GRHL1: variants seen among roughly 807,000 people sequenced by gnomAD.
GRHL1 encodes the protein grainyhead-like protein 1 homolog.
A neutral mutation model predicts 75.7 loss-of-function variants in GRHL1; 38 were observed. The ratio of observed to expected loss-of-function variants is 0.50; its 90% CI spans 0.39 to 0.66. GRHL1 has a LOEUF of 0.66. GRHL1 is among the 30% of genes least tolerant of loss of function. The pLI is 0.00. For synonymous variants in GRHL1, 266 were observed against 279.4 expected (o/e 0.95, Z 0.48); for missense variants, 589 against 767.5 (o/e 0.77, Z 2.75).
At chr2:9,972,267 A>G (rs1434124305) in intron 8 of GRHL1, among the ~76,000 whole-genome samples, 1 of 148,002 alleles carries the variant, frequency 6.8e-6, no homozygotes, top group Non-Finnish European at 1.5e-5. Flanking sequence ...ACTCCTCTAT[A>G]GAACTTTCTT....
rs567981279 is a variant in GRHL1, at chr2:9,988,428, G to A, written c.1269+2146G>A. The stretch of plus-strand genomic sequence containing the variant: ...CTGTTTCTGGCTCTGTGTGAGTTTC[G>A]GGCACTGTTTCTCTAATCTTTTCGG... On this transcript the variant is annotated intron_variant, in intron 9 of 15. Coordinates refer to ENST00000324907, the MANE Select transcript of GRHL1 (RefSeq NM_198182.3). Among the ~76,000 whole-genome samples the A allele has an allele frequency of 4.9e-4, 75 of 152,206 alleles. 2 individuals carry two copies. In the South Asian group the frequency reaches 0.015, roughly 31 times the overall value.
At chr2:9,984,612 G>A (rs1008633410) in intron 8 of GRHL1, among the ~76,000 whole-genome samples, 1 of 152,140 alleles carries the variant, frequency 6.6e-6, no homozygotes, top group Admixed American at 6.5e-5. Context: ...TGGAGCCCAG[G>A]AGAGAAGGGT....
At chr2:9,976,776 T>C (rs1667964482) in intron 8 of GRHL1, among the ~76,000 whole-genome samples, 1 of 152,204 alleles carries the variant, frequency 6.6e-6, no homozygotes, top group African/African-American at 2.4e-5. Context: ...CAGATCTGGG[T>C]ATATTTTTAG....
At chr2:10,000,542 T>C in intron 15 of GRHL1, 51 bp from the exon 16 acceptor site, 2 of 1,041,118 alleles carry the variant, frequency 1.9e-6, no homozygotes, top group South Asian at 2.6e-5. Context: ...TAGGTCTGAC[T>C]CCAGGACCAA....
intron 7 of GRHL1, 126 bp downstream of exon 7, chr2:9,964,472 C>A: frequency 1.6e-6 from 1 of 614,658 alleles, no homozygotes; most frequent in African/African-American, 1.8e-5. Flanking sequence ...AGCTACTGAT[C>A]TGTTCCAAAC....
chr2:9,975,576 A>G (rs1171917618), intron 8 of GRHL1, among the ~76,000 whole-genome samples: 1 of 152,196 alleles, frequency 6.6e-6, no homozygotes, highest in African/African-American at 2.4e-5. Flanking sequence ...AAGTCAGCTT[A>G]AAAGAAAGAT....
intron 14 of GRHL1, among the ~76,000 whole-genome samples, chr2:9,997,942 A>C (rs1174964387): frequency 6.6e-6 from 1 of 152,200 alleles, no homozygotes; most frequent in African/African-American, 2.4e-5. Flanking sequence ...GCTCACGAGG[A>C]ACTCATGACA....
chr2:9,964,701 A>T (rs1193973241), intron 7 of GRHL1: 2 of 187,626 alleles, frequency 1.1e-5, no homozygotes, highest in African/African-American at 4.7e-5. Context: ...AGGTAGAGAA[A>T]AAAACAAGTA....
rs201629606 is a variant in GRHL1, at chr2:9,957,000, TTC to T, written c.208-1784_208-1783del. On this transcript the variant is annotated intron_variant, in intron 2 of 15. Transcript: ENST00000324907. ...TAAATTTATTTTCTTCTTCTTCTTC[TTC>T]TTTTTTTTTTTTTTAATAGAAGCAG... 7.4e-3 allele frequency among the ~76,000 whole-genome samples: 889 copies of T among 120,078 alleles called. 3 individuals carry two copies. Among genetic ancestry groups the T allele is most frequent in the Admixed American group, 0.015 (158 of 10,686 alleles). 78.8% of individuals were successfully genotyped at this position (120,078 alleles called of 152,430 possible). A position where few individuals can be genotyped will look rare whatever the true frequency, so the allele number is the denominator to read the frequency against.
In GRHL1 at chr2:9,999,963, G is replaced by A. The variant is rs1475779228; in HGVS notation, c.1743-630G>A. On this transcript the variant is annotated intron_variant, in intron 15 of 15. Transcript: ENST00000324907. ...TCAGGGGGCTGTGACTTCACATCAT[G>A]TAAGTTAGTGTTATTGATGTGCTTT... Among the ~76,000 whole-genome samples, 3 of 152,200 alleles carry A rather than the reference G, an allele frequency of 2.0e-5. No individual in the cohort carries two copies. The South Asian group carries it at 6.2e-4, about 32-fold the overall frequency.
At chr2:9,954,758 C>T in intron 1 of GRHL1, 157 bp from the exon 2 acceptor site, 1 of 704,856 alleles carries the variant, frequency 1.4e-6, no homozygotes, top group Non-Finnish European at 2.5e-6. Flanking sequence ...TTGGTCTGCA[C>T]TTACGTGGTT....
At chr2:9,994,641 G>A (rs914197705) in intron 12 of GRHL1, among the ~76,000 whole-genome samples, 8 of 151,988 alleles carry the variant, frequency 5.3e-5, no homozygotes, top group African/African-American at 1.9e-4. Flanking sequence ...TTCACTAGAC[G>A]GCTGCTGTGT....
At position 9,995,895 on chromosome 2, in the gene GRHL1, G is replaced by A. The variant is rs374965492; in HGVS notation, c.1516G>A (p.Gly506Arg). Reference protein sequence around the residue: ...LEGEGSVLKRGPYGTEDDFAV... With the variant: ...LEGEGSVLKRRPYGTEDDFAV... Reference sequence around the variant, plus strand: ...TCACTGCAGCTCTGTCTTGAAAAGGGGGCCGTACGGCACAGAAGATGACTT... The same window carrying A: ...TCACTGCAGCTCTGTCTTGAAAAGGAGGCCGTACGGCACAGAAGATGACTT... The change falls in exon 13 of 16, where the codon GGG becomes AGG. Residue 506 changes from glycine (G) to arginine (R), a missense_variant. By Grantham distance (125) the Gly-to-Arg change is moderately radical. This residue lies in a region of GRHL1 where 192 missense variants were observed against 226.6 expected (regional missense o/e 0.85). Transcript: ENST00000324907. 2 of 1,610,794 alleles carry A rather than the reference G, an allele frequency of 1.2e-6. No homozygotes were observed. The highest frequency in any genetic ancestry group is 1.7e-6 in the Non-Finnish European group (2 of 1,176,948).
chr2:9,993,082 C>G (rs755924991), intron 11 of GRHL1, 125 bp from the exon 12 acceptor site: 10 of 811,540 alleles, frequency 1.2e-5, no homozygotes, highest in South Asian at 3.0e-5. Context: ...TTATTGAAAA[C>G]TAAGGCTAAA....
chr2:9,998,809 CGTAT>C (rs1669107354), intron 14 of GRHL1, among the ~76,000 whole-genome samples, 152 bp from the exon 15 acceptor site: 1 of 52,064 alleles, frequency 1.9e-5, no homozygotes, highest in African/African-American at 1.6e-4. Context: ...CATATATATA[CGTAT>C]ATATATGTAC....
At chr2:9,964,787 CTGT>C (rs1667420855) in intron 7 of GRHL1, 1 of 170,708 alleles carries the variant, frequency 5.9e-6, no homozygotes. Flanking sequence ...ACTAACCTCT[CTGT>C]GGGCTGTAGT....
Position 9,951,826 on chromosome 2 carries a change from C to T in GRHL1, c.-8C>T. On this transcript the variant is annotated 5_prime_UTR_variant, in exon 1 of 16. Transcript: ENST00000324907. The surrounding 1 kb of genome is among the most constrained non-coding windows in gnomAD (Gnocchi z 4.2). The stretch of plus-strand genomic sequence containing the variant: ...AGTTCTGCGGCCCGGCAGCGGCGAG[C>T]GGGCGCGATGACACAGGAGTACGAC... The T allele has an allele frequency of 2.0e-6, 3 of 1,525,332 alleles. No homozygotes were observed. Among genetic ancestry groups the T allele is most frequent in the South Asian group, 1.2e-5 (1 of 84,250 alleles). The allele number at this position is 1,525,332 out of a possible 1,614,324, so 94.5% of individuals were successfully genotyped here. A position where few individuals can be genotyped will look rare whatever the true frequency, so the allele number is the denominator to read the frequency against.
At chr2:9,986,080 G>T in intron 8 of GRHL1, 44 bp from the exon 9 acceptor site, 5 of 1,502,522 alleles carry the variant, frequency 3.3e-6, no homozygotes, top group South Asian at 2.4e-5. Flanking sequence ...TGCTAGGTTT[G>T]ACTTGGTGCC....
At chr2:9,956,999 C>CTT (rs200612011) in intron 2 of GRHL1, among the ~76,000 whole-genome samples, 37 of 135,964 alleles carry the variant, frequency 2.7e-4, no homozygotes, top group African/African-American at 9.4e-4. Flanking sequence ...TCTTCTTCTT[C>CTT]TTCTTTTTTT....
Sources: gnomAD v4.1 joint callset for allele counts (sites outside exome capture counted in the v4.1 genomes callset) on GRCh38, gnomAD v4.1.1 for gene constraint, gnomAD v4.1.1 regional missense constraint, Gnocchi (gnomAD v3.1) non-coding constraint, MANE v1.5 for transcripts, NCBI Gene and HGNC (gene_info 2026-07-23, HGNC 2026-07-21) for gene names.